ERC1: variants seen among roughly 807,000 people sequenced by gnomAD.
ERC1 encodes RAB6 interacting protein 2.
A neutral mutation model predicts 132.0 loss-of-function variants in ERC1; 56 were observed. The ratio of observed to expected loss-of-function variants is 0.42; its 90% CI spans 0.34 to 0.53. ERC1 has a LOEUF of 0.53. ERC1 is among the 20% of genes least tolerant of loss of function. The pLI is 0.03. For missense variants in ERC1, 1,202 were observed against 1,349.9 expected (o/e 0.89, Z 1.72); for synonymous variants, 478 against 476.1 (o/e 1.00, Z -0.05).
chr12:1,254,744 C>A, intron 13 of ERC1, among the ~76,000 whole-genome samples: 1 of 152,122 alleles, frequency 6.6e-6, no homozygotes, highest in South Asian at 2.1e-4. Context: ...AACTCCTGAC[C>A]TCAGGTGATC....
chr12:1,395,072 A>G (rs1051367811), intron 16 of ERC1, among the ~76,000 whole-genome samples: 3 of 152,224 alleles, frequency 2.0e-5, no homozygotes, highest in Non-Finnish European at 2.9e-5. Context: ...GCTGGGAGAA[A>G]TGATCCTATG....
chr12:1,211,123 C>T (rs371780144), intron 12 of ERC1, among the ~76,000 whole-genome samples: 2 of 152,190 alleles, frequency 1.3e-5, no homozygotes, highest in African/African-American at 4.8e-5. Flanking sequence ...AAATAATCCC[C>T]TTCAAATGCA....
Position 1,181,953 on chromosome 12 carries a change from A to G in ERC1, c.1904A>G (p.Gln635Arg), listed in dbSNP as rs1954524587. Residue 635 changes from glutamine (Q) to arginine (R), a missense_variant, in exon 10 of 19, where the codon CAG (glutamine) becomes CGG (arginine). Transcript: ENST00000360905. ...KERTIERLKEQRDRDEREKQE... is the reference protein window; with the variant it reads ...KERTIERLKERRDRDEREKQE... ...CGGACAATTGAACGCTTAAAGGAGC[A>G]GAGGGACAGAGATGAGCGAGAGAAG... 6.2e-7 allele frequency: 1 copy of G among 1,614,092 alleles called. No homozygotes were observed. Among genetic ancestry groups the G allele is most frequent in the South Asian group, 1.1e-5 (1 of 91,070 alleles).
intron 7 of ERC1, among the ~76,000 whole-genome samples, chr12:1,121,062 G>A (rs1311055200): frequency 1.3e-5 from 2 of 152,144 alleles, no homozygotes; most frequent in African/African-American, 4.8e-5. Context: ...TCTAACCTGA[G>A]TCTTGTACCA....
At chr12:1,308,977 G>T (rs769298502) in intron 15 of ERC1, among the ~76,000 whole-genome samples, 2 of 152,162 alleles carry the variant, frequency 1.3e-5, no homozygotes, top group Non-Finnish European at 2.9e-5. Context: ...AGACCCCAGA[G>T]AACTCATTTG....
At chr12:1,349,327 C>T (rs1036935700) in intron 15 of ERC1, among the ~76,000 whole-genome samples, 10 of 152,166 alleles carry the variant, frequency 6.6e-5, no homozygotes, top group African/African-American at 1.9e-4. Context: ...GGATTAATAG[C>T]TTTTTGTCCT....
chr12:1,067,354 T>C (rs1222919156), intron 2 of ERC1, among the ~76,000 whole-genome samples: 1 of 152,182 alleles, frequency 6.6e-6, no homozygotes, highest in African/African-American at 2.4e-5. Flanking sequence ...TCTAAATATA[T>C]GTAACTTTGT....
intron 15 of ERC1, among the ~76,000 whole-genome samples, chr12:1,312,066 C>A (rs529411818): frequency 6.6e-6 from 1 of 152,302 alleles, no homozygotes; most frequent in Admixed American, 6.5e-5. Flanking sequence ...AGCATAATTT[C>A]TTCTCCTAGA....
intron 1 of ERC1, among the ~76,000 whole-genome samples, chr12:1,003,119 C>CAAA (rs34159893): frequency 1.2e-5 from 1 of 84,804 alleles, no homozygotes; most frequent in Non-Finnish European, 2.7e-5. Context: ...AAAAAAGACT[C>CAAA]AAAAAAAAAA....
At chr12:1,339,681 T>C (rs1009337278) in intron 15 of ERC1, among the ~76,000 whole-genome samples, 1 of 152,196 alleles carries the variant, frequency 6.6e-6, no homozygotes, top group Admixed American at 6.5e-5. Context: ...CAGAGAGCCC[T>C]TGCTGGTGAC....
intron 2 of ERC1, among the ~76,000 whole-genome samples, chr12:1,029,658 C>T (rs1167550652): frequency 6.6e-6 from 1 of 151,954 alleles, no homozygotes; most frequent in African/African-American, 2.4e-5. Context: ...TTGATGATAG[C>T]CATGCCACAT....
chr12:1,196,830 CTGTCTG>C lies in ERC1; in HGVS notation c.2351+6780_2351+6785del, dbSNP rs1566212763. ...TTTCTCTCTCTCTCTCTCTCTCTCT[CTGTCTG>C]TCTCTCTGTCTGTCTCTCTCTCACT... is the stretch of plus-strand genomic sequence containing the variant. On this transcript the variant is annotated intron_variant, in intron 12 of 18. Coordinates refer to ENST00000360905, the MANE Select transcript of ERC1 (RefSeq NM_178040.4). Among the ~76,000 whole-genome samples, 710 of 109,528 alleles carry C rather than the reference CTGTCTG, an allele frequency of 6.5e-3. 1 individual carries two copies. The highest frequency in any genetic ancestry group is 9.3e-3 in the Middle Eastern group (2 of 216). The allele number at this position is 109,528 out of a possible 152,430, so 71.9% of individuals were successfully genotyped here.
In ERC1 at chr12:1,127,049, G is replaced by C. The variant is rs191043051; in HGVS notation, c.1569+11016G>C. 1.9e-4 allele frequency among the ~76,000 whole-genome samples: 29 copies of C among 149,080 alleles called. No individual in the cohort carries two copies. The East Asian group carries it at 5.4e-3, about 28-fold the overall frequency. On this transcript the variant is annotated intron_variant, in intron 7 of 18. Coordinates refer to ENST00000360905, the MANE Select transcript of ERC1 (RefSeq NM_178040.4). ...CAATAGAGACTATAGGGAGAGGGAA[G>C]GATTTGAATAGACAATTAACAGATA...
At chr12:1,254,041 T>G (rs2076634935) in intron 13 of ERC1, among the ~76,000 whole-genome samples, 1 of 152,118 alleles carries the variant, frequency 6.6e-6, no homozygotes, top group African/African-American at 2.4e-5. Context: ...AGCAAATATG[T>G]GAGGCTGGCA....
At chr12:1,207,385 G>A (rs576846301) in intron 12 of ERC1, among the ~76,000 whole-genome samples, 1 of 151,932 alleles carries the variant, frequency 6.6e-6, no homozygotes, top group Non-Finnish European at 1.5e-5. Flanking sequence ...TTGACTTATG[G>A]GCAAGAGTTT....
chr12:1,171,289 C>T (rs1409571884), intron 8 of ERC1, among the ~76,000 whole-genome samples: 1 of 150,592 alleles, frequency 6.6e-6, no homozygotes. Context: ...AGTCTTGCAG[C>T]TTCTCATCGC....
intron 12 of ERC1, among the ~76,000 whole-genome samples, chr12:1,193,473 C>A (rs1419153623): frequency 6.6e-6 from 1 of 151,658 alleles, no homozygotes; most frequent in Non-Finnish European, 1.5e-5. Context: ...TAGATAAATA[C>A]ATATATACAC....
rs113730303 is a variant in ERC1 at position 1,461,528 on chromosome 12, C to T, written c.3213+16778C>T. ...ACTAAAAGTACAAAAATTAACCTGG[C>T]GTGGTGGTGGGCACCTGTAATCTCA... On this transcript the variant is annotated intron_variant, in intron 18 of 18. Transcript: ENST00000360905. Among the ~76,000 whole-genome samples the T allele has an allele frequency of 5.4e-3, 814 of 152,072 alleles. 6 individuals are homozygous for T. Among genetic ancestry groups the T allele is most frequent in the African/African-American group, 0.018 (755 of 41,488 alleles).
chr12:1,289,682 ATTGATTC>A (rs2079298859), intron 14 of ERC1, among the ~76,000 whole-genome samples, 163 bp from the exon 15 acceptor site: 1 of 152,184 alleles, frequency 6.6e-6, no homozygotes, highest in Non-Finnish European at 1.5e-5. Flanking sequence ...TATCTGCTAT[ATTGATTC>A]TTGATATATA....
Sources: gnomAD v4.1 joint callset for allele counts (sites outside exome capture counted in the v4.1 genomes callset) on GRCh38, gnomAD v4.1.1 for gene constraint, MANE v1.5 for transcripts, NCBI Gene and HGNC (gene_info 2026-07-23, HGNC 2026-07-21) for gene names.